The following DNAH17 variants were observed in gnomAD, a reference collection of about 807,000 sequenced individuals.
DNAH17 encodes dynein axonemal heavy chain 17.
A neutral mutation model predicts 485.6 loss-of-function variants in DNAH17; 376 were observed. The ratio of observed to expected loss-of-function variants is 0.77; its 90% CI spans 0.71 to 0.84. The LOEUF (loss-of-function observed/expected upper bound fraction) is 0.84, where lower values mean the gene tolerates loss of function less well. DNAH17 is among the 40% of genes least tolerant of loss of function. The pLI, the probability that DNAH17 is intolerant of heterozygous loss-of-function variation, is 0.00. For missense variants in DNAH17, 6,370 were observed against 5,839.3 expected (o/e 1.09, Z -2.96); for synonymous variants, 3,031 against 2,405.9 (o/e 1.26, Z -7.60).
intron 75 of DNAH17, among the ~76,000 whole-genome samples, chr17:78,431,597 A>G (rs1056599468): frequency 1.3e-5 from 2 of 152,126 alleles, no homozygotes; most frequent in African/African-American, 4.8e-5. Flanking sequence ...CTCAGAGCCC[A>G]GACGGCTAAA....
rs2086895231 is a variant in DNAH17, at chr17:78,437,685, C to G, written c.11989G>C (p.Gly3997Arg). 2 of 1,611,946 alleles carry G rather than the reference C, an allele frequency of 1.2e-6. No homozygotes were observed. The highest frequency in any genetic ancestry group is 8.5e-7 in the Non-Finnish European group (1 of 1,179,470). ...AIKITNEPPT[G>R]MHANLHKALD... The stretch of plus-strand genomic sequence containing the variant: ...GCCTTGTGCAAGTTGGCGTGCATGC[C>G]CGTGGGGGGCTCGTTGGTGATCTTG... The change falls in exon 74 of 81, where the codon GGC becomes CGC. Residue 3997 changes from glycine (G) to arginine (R), a missense_variant. Physicochemically the swap from Gly to Arg is moderately radical, Grantham distance 125 (BLOSUM62 -2). Coordinates refer to ENST00000389840, the MANE Select transcript of DNAH17 (RefSeq NM_173628.4).
At chr17:78,536,283 T>TGTA (rs1424329551) in intron 19 of DNAH17, among the ~76,000 whole-genome samples, 7 of 148,512 alleles carry the variant, frequency 4.7e-5, no homozygotes, top group African/African-American at 1.6e-4. Context: ...ACTAAAAATA[T>TGTA]ATAAAAAAAA....
At chr17:78,476,879 G>GA in intron 51 of DNAH17, 146 bp from the exon 52 acceptor site, 1 of 990,310 alleles carries the variant, frequency 1.0e-6, no homozygotes, top group Non-Finnish European at 1.4e-6. Flanking sequence ...TGGGGCCAGG[G>GA]AAGCCACTCA....
chr17:78,479,548 C>T lies in DNAH17; in HGVS notation c.7837G>A (p.Ala2613Thr). Residue 2613 changes from alanine (A) to threonine (T), a missense_variant, in exon 50 of 81, where the codon GCC becomes ACC. Coordinates refer to ENST00000389840, the MANE Select transcript of DNAH17 (RefSeq NM_173628.4). ...IYNTILTQHL[A>T]FRSVSMAIQR... ...ATAGCCATGGAGACCGAGCGGAAGG[C>T]CAGGTGCTGCGTCAGGATTGTGTTG... 1 of 1,613,618 alleles carries T rather than the reference C, an allele frequency of 6.2e-7. No homozygotes were observed. The highest frequency in any genetic ancestry group is 8.5e-7 in the Non-Finnish European group (1 of 1,179,876).
At chr17:78,479,936 A>G (rs766940176) in intron 49 of DNAH17, among the ~76,000 whole-genome samples, 6 of 151,358 alleles carry the variant, frequency 4.0e-5, no homozygotes, top group Non-Finnish European at 5.9e-5. Flanking sequence ...ACTTAGAGGC[A>G]AAGTCTGTCT....
chr17:78,560,330 T>C (rs1317797302), intron 13 of DNAH17, among the ~76,000 whole-genome samples: 1 of 152,184 alleles, frequency 6.6e-6, no homozygotes, highest in Non-Finnish European at 1.5e-5. Flanking sequence ...GGGGCTGTGC[T>C]TGTAGGAATT....
In DNAH17 at chr17:78,461,556, C is replaced by T; in HGVS notation, c.9327G>A (p.Glu3109=). ...TGCCTTCACCTACCTTATTGATGAC[C>T]TCGACCTTGACTTCTTCCTGGTCAG... The part of the protein sequence containing the change: ...AIADQEEVKV[E]VINKNVTEKQ... Residue 3109 remains glutamate, a synonymous_variant, in exon 58 of 81, where the codon GAG becomes GAA. Coordinates refer to ENST00000389840, the MANE Select transcript of DNAH17 (RefSeq NM_173628.4). 1 of 1,594,470 alleles carries T rather than the reference C, an allele frequency of 6.3e-7. No individual in the cohort carries two copies. The highest frequency in any genetic ancestry group is 1.1e-5 in the South Asian group (1 of 87,606).
intron 44 of DNAH17, among the ~76,000 whole-genome samples, 191 bp from the exon 45 acceptor site, chr17:78,486,697 G>T (rs372851917): frequency 3.5e-4 from 53 of 152,332 alleles, no homozygotes; most frequent in African/African-American, 1.2e-3. Context: ...AAGGGTCGGA[G>T]GAGGATGCCA....
chr17:78,505,424 G>C lies in DNAH17; in HGVS notation c.4825C>G (p.Leu1609Val). Residue 1609 changes from leucine (L) to valine (V), a missense_variant, in exon 31 of 81, where the codon CTC (leucine) becomes GTC (valine). Physicochemically the swap from Leu to Val is conservative, Grantham distance 32. Transcript: ENST00000389840. ...TTCAGTTTACACAGGCTATCGAAGA[G>C]TTTGGACAGGTGGCGGCTCACCTGG... ...PVEVSRHLSK[L>V]FDSLCKLKFR... The C allele has an allele frequency of 6.2e-7, 1 of 1,614,038 alleles. No individual in the cohort carries two copies. Among genetic ancestry groups the C allele is most frequent in the Non-Finnish European group, 8.5e-7 (1 of 1,179,894 alleles).
In DNAH17 at chr17:78,434,086, G is replaced by C. The variant is rs375982324; in HGVS notation, c.12168C>G (p.Asn4056Lys). 5.6e-6 allele frequency: 9 copies of C among 1,613,500 alleles called. No homozygotes were observed. Among genetic ancestry groups the C allele is most frequent in the Non-Finnish European group, 7.6e-6 (9 of 1,179,796 alleles). Residue 4056 changes from asparagine (N) to lysine (K), a missense_variant, in exon 75 of 81, where the codon AAC (asparagine) becomes AAG (lysine). Coordinates refer to ENST00000389840, the MANE Select transcript of DNAH17 (RefSeq NM_173628.4). ...CGTTGATGGAGATGGTGAGGTCCCC[G>C]TTGTTGAAGGGGTACGACCGGTTCC... is the stretch of plus-strand genomic sequence containing the variant. Reference protein sequence around the residue: ...QGWNRSYPFNNGDLTISINVL... With the variant: ...QGWNRSYPFNKGDLTISINVL...
chr17:78,561,352 G>A (rs191630801), intron 12 of DNAH17, among the ~76,000 whole-genome samples: 163 of 152,072 alleles, frequency 1.1e-3, no homozygotes, highest in South Asian at 1.7e-3. Flanking sequence ...CCCTGCAGCC[G>A]TCCCTGCGTC....
rs993822409 is a variant in DNAH17, at chr17:78,530,366, G to C, written c.3261C>G (p.His1087Gln). ...IRRWGFMFKRHLSNHVTNSLA... is the reference protein window; with the variant it reads ...IRRWGFMFKRQLSNHVTNSLA... Reference sequence around the variant, plus strand: ...ACCTGTTGGTGACGTGGTTGCTCAGGTGCCGCTTGAACATGAAGCCCCAGC... The same window carrying C: ...ACCTGTTGGTGACGTGGTTGCTCAGCTGCCGCTTGAACATGAAGCCCCAGC... Residue 1087 changes from histidine (H) to glutamine (Q), a missense_variant, in exon 21 of 81, where the codon CAC becomes CAG. Coordinates refer to ENST00000389840, the MANE Select transcript of DNAH17 (RefSeq NM_173628.4). 3 of 1,611,644 alleles carry C rather than the reference G, an allele frequency of 1.9e-6. No homozygotes were observed. In the African/African-American group the frequency reaches 4.0e-5, roughly 21 times the overall value.
At chr17:78,448,369 A>G (rs1462655213) in intron 69 of DNAH17, among the ~76,000 whole-genome samples, 1 of 151,996 alleles carries the variant, frequency 6.6e-6, no homozygotes, top group Admixed American at 6.6e-5. Flanking sequence ...AAATTAAAAA[A>G]CTGAAGAATT....
At chr17:78,481,085 A>G (rs914444671) in intron 48 of DNAH17, among the ~76,000 whole-genome samples, 9 of 139,342 alleles carry the variant, frequency 6.5e-5, no homozygotes, top group Admixed American at 2.2e-4. Context: ...GTGAGCCACC[A>G]CGCCCGCCCC....
At chr17:78,439,246 A>C (rs1235027087) in intron 72 of DNAH17, 29 bp from the exon 73 acceptor site, 1 of 1,591,604 alleles carries the variant, frequency 6.3e-7, no homozygotes, top group South Asian at 1.1e-5. Context: ...GGAAAAAAAC[A>C]CCACGTAATT....
Position 78,474,854 on chromosome 17 carries a change from T to C in DNAH17, c.8511+424A>G, listed in dbSNP as rs9906864. ...GGTTTCACTCTCTTCACCTCAGTCA[T>C]GCGGGCCGGAAGATTTCACACCCTT... On this transcript the variant is annotated intron_variant, in intron 54 of 80. Transcript: ENST00000389840. Among the ~76,000 whole-genome samples, 375 of 144,670 alleles carry C rather than the reference T, an allele frequency of 2.6e-3. 5 individuals are homozygous for C. Among genetic ancestry groups the C allele is most frequent in the African/African-American group, 9.4e-3 (357 of 37,910 alleles). 94.9% of individuals were successfully genotyped at this position (144,670 alleles called of 152,430 possible). A position where few individuals can be genotyped will look rare whatever the true frequency, so the allele number is the denominator to read the frequency against.
intron 62 of DNAH17, among the ~76,000 whole-genome samples, chr17:78,457,070 G>A (rs534390717): frequency 6.6e-6 from 1 of 152,214 alleles, no homozygotes; most frequent in Non-Finnish European, 1.5e-5. Context: ...GATGTGCTCT[G>A]TGTTAAAAGG....
At chr17:78,524,914 A>G in intron 25 of DNAH17, 95 bp downstream of exon 25, 2 of 1,488,302 alleles carry the variant, frequency 1.3e-6, no homozygotes, top group Non-Finnish European at 1.8e-6. Context: ...TCACATTCTT[A>G]CAACCAAAGG....
intron 17 of DNAH17, among the ~76,000 whole-genome samples, chr17:78,543,287 G>GTATTTTTTTTTTTTTTTTTTTTTTT (rs1200669389): frequency 1.4e-5 from 2 of 139,228 alleles, no homozygotes; most frequent in Admixed American, 7.1e-5. Context: ...GTTAATTTTT[G>GTATTTTTTTTTTTTTTTTTTTTTTT]TTTTTTTTTT....
Sources: allele counts gnomAD v4.1 joint callset (sites outside exome capture counted in the v4.1 genomes callset), GRCh38; gene constraint gnomAD v4.1.1; transcripts MANE v1.5; gene names NCBI Gene and HGNC (gene_info 2026-07-23, HGNC 2026-07-21).